ERAP1: variants seen among roughly 807,000 people sequenced by gnomAD.
The protein encoded by ERAP1 is adipocyte-derived leucine aminopeptidase.
ERAP1 carries 86 observed loss-of-function variants against 103.7 expected under a neutral mutation model. The ratio of observed to expected loss-of-function variants is 0.83; its 90% CI spans 0.70 to 0.99. The LOEUF (loss-of-function observed/expected upper bound fraction) is 0.99, where lower values mean the gene tolerates loss of function less well. ERAP1 is among the 50% of genes least tolerant of loss of function. The pLI, the probability that ERAP1 is intolerant of heterozygous loss-of-function variation, is 0.00. For synonymous variants in ERAP1, 398 were observed against 402.4 expected (o/e 0.99, Z 0.13); for missense variants, 1,009 against 1,128.4 (o/e 0.89, Z 1.52).
chr5:96,879,291 T>C, the ERAP1 span, among the ~76,000 whole-genome samples: 2 of 152,200 alleles, frequency 1.3e-5, no homozygotes, highest in South Asian at 4.1e-4. Context: ...ATGCAATGAA[T>C]TTACACACCT....
At chr5:96,911,729 C>T in the ERAP1 span, among the ~76,000 whole-genome samples, 1 of 151,590 alleles carries the variant, frequency 6.6e-6, no homozygotes, top group African/African-American at 2.4e-5. Flanking sequence ...AAAAATTAGC[C>T]GGGCATGGTG....
the ERAP1 span, among the ~76,000 whole-genome samples, chr5:96,839,540 A>G: frequency 6.6e-6 from 1 of 152,218 alleles, no homozygotes; most frequent in South Asian, 2.1e-4. Context: ...AGACCAGCCA[A>G]ATTCTTTAAT....
the ERAP1 span, among the ~76,000 whole-genome samples, chr5:96,859,472 A>C: frequency 1.3e-5 from 2 of 151,724 alleles, no homozygotes; most frequent in Admixed American, 1.3e-4. Flanking sequence ...AAAGAAGACC[A>C]TTCTCCTCTG....
intron 13 of ERAP1, chr5:96,785,444 G>T (rs1198462717): frequency 2.8e-6 from 1 of 360,490 alleles, no homozygotes; most frequent in African/African-American, 2.1e-5. Flanking sequence ...ACCTGATCCG[G>T]TATAGCGGGG....
the ERAP1 span, among the ~76,000 whole-genome samples, chr5:96,834,067 T>C: frequency 7.2e-5 from 11 of 152,226 alleles, no homozygotes; most frequent in African/African-American, 2.7e-4. Context: ...ATGGTAGATA[T>C]AGCTTCACAG....
the ERAP1 span, among the ~76,000 whole-genome samples, chr5:96,905,447 T>G: frequency 6.6e-6 from 1 of 152,242 alleles, no homozygotes; most frequent in Non-Finnish European, 1.5e-5. Flanking sequence ...TTATATTTAC[T>G]TATATTACAT....
intron 1 of ERAP1, among the ~76,000 whole-genome samples, chr5:96,806,936 A>G (rs1778681551): frequency 6.7e-6 from 1 of 150,330 alleles, no homozygotes; most frequent in Admixed American, 6.6e-5. Flanking sequence ...CTCAGGCAAG[A>G]GACAACTGTG....
At chr5:96,873,674 T>A in the ERAP1 span, 1 of 320,616 alleles carries the variant, frequency 3.1e-6, no homozygotes, top group Admixed American at 4.1e-5. Flanking sequence ...TTGGGCAATC[T>A]AAGGAAAAAC....
intron 13 of ERAP1, among the ~76,000 whole-genome samples, chr5:96,784,425 G>T (rs926873199): frequency 1.3e-5 from 2 of 152,194 alleles, no homozygotes; most frequent in Non-Finnish European, 2.9e-5. Context: ...GGCAGAGGCG[G>T]TGAGCTGAGA....
chr5:96,833,131 C>G, the ERAP1 span, among the ~76,000 whole-genome samples: 3 of 152,102 alleles, frequency 2.0e-5, no homozygotes, highest in African/African-American at 7.2e-5. Context: ...TATAAGCCAC[C>G]CAAAATACGC....
chr5:96,853,850 T>A, the ERAP1 span, among the ~76,000 whole-genome samples: 6 of 143,718 alleles, frequency 4.2e-5, no homozygotes, highest in African/African-American at 5.2e-5. Context: ...TTAAAAGTTC[T>A]AAAAAAAAAA....
At chr5:96,823,487 A>T in the ERAP1 span, among the ~76,000 whole-genome samples, 180 of 152,338 alleles carry the variant, frequency 1.2e-3, 1 homozygote, top group South Asian at 0.012. Context: ...CCTCCTTAGA[A>T]TCCATTCCAC....
At chr5:96,879,961 TG>T in the ERAP1 span, 3 of 1,614,080 alleles carry the variant, frequency 1.9e-6, no homozygotes, top group African/African-American at 4.0e-5. Context: ...TGGACTTTGT[TG>T]CATCTGAGAA....
chr5:96,859,431 G>T, the ERAP1 span, among the ~76,000 whole-genome samples: 23 of 152,110 alleles, frequency 1.5e-4, no homozygotes, highest in Non-Finnish European at 2.6e-4. Flanking sequence ...CTCCCAGACC[G>T]TTTGTGCTGG....
downstream of ERAP1, among the ~76,000 whole-genome samples, chr5:96,771,301 A>G (rs17402639): frequency 0.099 from 15,103 of 152,226 alleles, 982 homozygotes; most frequent in Middle Eastern, 0.16. Flanking sequence ...GAGTGGATTT[A>G]CTGGACAGCC....
chr5:96,830,359 T>G, the ERAP1 span, among the ~76,000 whole-genome samples: 1 of 152,166 alleles, frequency 6.6e-6, no homozygotes, highest in Non-Finnish European at 1.5e-5. Flanking sequence ...TTTGAAGATG[T>G]GCGTACCCAA....
the ERAP1 span, chr5:96,912,694 A>G: frequency 6.2e-7 from 1 of 1,610,614 alleles, no homozygotes. Context: ...CAACAGCAGG[A>G]TGGAATTACC....
At chr5:96,867,011 ATTT>A in the ERAP1 span, among the ~76,000 whole-genome samples, 22 of 136,648 alleles carry the variant, frequency 1.6e-4, no homozygotes, top group African/African-American at 5.2e-4. Context: ...CCTTTCTGAT[ATTT>A]TTTTTTTTTT....
chr5:96,915,760 G>A, the ERAP1 span: 1 of 1,599,838 alleles, frequency 6.3e-7, no homozygotes. Flanking sequence ...CCAAGGATAA[G>A]TTGCAAGAGG....
Sources: gnomAD v4.1 joint callset for allele counts (sites outside exome capture counted in the v4.1 genomes callset) on GRCh38, gnomAD v4.1.1 for gene constraint, MANE v1.5 for transcripts, NCBI Gene and HGNC (gene_info 2026-07-23, HGNC 2026-07-21) for gene names.